The following KAT6A variants were observed in gnomAD, a reference collection of about 807,000 sequenced individuals.
The protein encoded by KAT6A is lysine acetyltransferase 6A.
Under a neutral mutation model 198.4 loss-of-function variants are expected in KAT6A, and 9 were observed. The observed-to-expected ratio is 0.05, with a 90% CI of 0.03 to 0.08. The LOEUF is 0.08. Among genes scored for constraint, KAT6A ranks in the 10% least tolerant of loss-of-function variants. The probability of loss-of-function intolerance (pLI) is 1.00; values close to 1 mark genes in which losing one functional copy is unlikely to be tolerated. For missense variants in KAT6A, 2,077 were observed against 2,509.9 expected (o/e 0.83, Z 3.69); for synonymous variants, 890 against 883.0 (o/e 1.01, Z -0.14).
In KAT6A at chr8:42,007,181, AC is replaced by A. The variant is rs199674134; in HGVS notation, c.601-19619del. The stretch of plus-strand genomic sequence containing the variant: ...AATAACTTTATTATTCTACAATGAC[AC>A]AGTTTATATAGACAATATAGAATCC... On this transcript the variant is annotated intron_variant, in intron 2 of 16. Transcript: ENST00000265713. Among the ~76,000 whole-genome samples, 411 of 78,136 alleles carry A rather than the reference AC, an allele frequency of 5.3e-3. 2 individuals carry two copies. The highest frequency in any genetic ancestry group is 7.9e-3 in the Non-Finnish European group (262 of 33,062). 51.3% of individuals were successfully genotyped at this position (78,136 alleles called of 152,430 possible).
At chr8:41,961,732 A>T (rs1823211998) in intron 8 of KAT6A, among the ~76,000 whole-genome samples, 1 of 147,680 alleles carries the variant, frequency 6.8e-6, no homozygotes, top group South Asian at 2.2e-4. Flanking sequence ...CAGCCTGGTG[A>T]CAGAGCGAGA....
chr8:41,990,902 G>A (rs891870712), intron 2 of KAT6A, among the ~76,000 whole-genome samples: 2 of 149,586 alleles, frequency 1.3e-5, no homozygotes, highest in Non-Finnish European at 3.0e-5. Context: ...GGCTGAGGCA[G>A]AAGAATCATT....
chr8:41,942,748 A>C, intron 14 of KAT6A, 45 bp downstream of exon 14: 4 of 1,592,754 alleles, frequency 2.5e-6, no homozygotes, highest in Non-Finnish European at 3.4e-6. Flanking sequence ...TGAAATCAAA[A>C]ATATATCTTC....
At chr8:41,935,273 T>G (rs1821790837) in intron 16 of KAT6A, among the ~76,000 whole-genome samples, 1 of 152,214 alleles carries the variant, frequency 6.6e-6, no homozygotes, top group South Asian at 2.1e-4. Flanking sequence ...AGTTACAAAT[T>G]AGCTTATTTC....
chr8:42,017,141 A>G (rs1351022928), intron 2 of KAT6A, among the ~76,000 whole-genome samples: 1 of 152,226 alleles, frequency 6.6e-6, no homozygotes, highest in Non-Finnish European at 1.5e-5. Flanking sequence ...TTATCTATGT[A>G]TCTCTATCAC....
rs549148506 is a variant in KAT6A, at chr8:42,003,270, G to A, written c.601-15707C>T. 1.3e-3 allele frequency among the ~76,000 whole-genome samples: 192 copies of A among 152,092 alleles called. 1 individual carries two copies. Among genetic ancestry groups the A allele is most frequent in the Non-Finnish European group, 2.0e-3 (136 of 67,990 alleles). ...GCTCTCAGAACTAGACTTCCCATGCGCCCTCAGAAAGCCCAACAGCAGCAG... is the reference window on the plus strand; with the variant it reads ...GCTCTCAGAACTAGACTTCCCATGCACCCTCAGAAAGCCCAACAGCAGCAG... On this transcript the variant is annotated intron_variant, in intron 2 of 16. Coordinates refer to ENST00000265713, the MANE Select transcript of KAT6A (RefSeq NM_006766.5).
chr8:42,037,928 C>T (rs1388940256), intron 2 of KAT6A, among the ~76,000 whole-genome samples: 2 of 152,104 alleles, frequency 1.3e-5, no homozygotes, highest in Admixed American at 6.6e-5. Context: ...GTGCTGTCTG[C>T]GGTCTTCCCC....
Position 42,009,894 on chromosome 8 carries a change from C to CAAAAA in KAT6A, c.601-22336_601-22332dup, listed in dbSNP as rs538642816. ...CTGGCGACAGGACAAAGCCCTGTCTCAAAAAAAAAAAAAAAAAAAACAAAA... is the reference window on the plus strand; with the variant it reads ...CTGGCGACAGGACAAAGCCCTGTCTCAAAAAAAAAAAAAAAAAAAAAAAAACAAAA... On this transcript the variant is annotated intron_variant, in intron 2 of 16. Transcript: ENST00000265713. Among the ~76,000 whole-genome samples, 57 of 48,990 alleles carry CAAAAA rather than the reference C, an allele frequency of 1.2e-3. 1 individual carries two copies. Among genetic ancestry groups the CAAAAA allele is most frequent in the South Asian group, 3.5e-3 (6 of 1,702 alleles). The allele number at this position is 48,990 out of a possible 152,430, so 32.1% of individuals were successfully genotyped here.
chr8:41,953,389 T>C (rs904479304), intron 9 of KAT6A, among the ~76,000 whole-genome samples: 2 of 152,222 alleles, frequency 1.3e-5, no homozygotes, highest in Admixed American at 6.5e-5. Flanking sequence ...CTCTTGTGAT[T>C]TGGGCAGCTT....
At position 41,930,302 on chromosome 8, in the gene KAT6A, G is replaced by A. The variant is rs1821464422; in HGVS notation, c.*1903C>T. ...AGCAATGACACAGCTGAAGATGTAG[G>A]GCGATGGCAGCACAGTGCACTTTCT... On this transcript the variant is annotated 3_prime_UTR_variant, in exon 17 of 17. Coordinates refer to ENST00000265713, the MANE Select transcript of KAT6A (RefSeq NM_006766.5). The A allele has an allele frequency of 5.2e-6, 1 of 191,280 alleles. No individual in the cohort carries two copies. The highest frequency in any genetic ancestry group is 2.4e-5 in the African/African-American group (1 of 41,630). The allele number at this position is 191,280 out of a possible 1,614,324, so 11.8% of individuals were successfully genotyped here.
intron 12 of KAT6A, 146 bp from the exon 13 acceptor site, chr8:41,944,125 CA>C (rs1261076227): frequency 3.3e-6 from 2 of 599,844 alleles, no homozygotes; most frequent in East Asian, 5.6e-5. Context: ...AAACAAATTG[CA>C]AAACTACTTC....
chr8:41,940,557 AC>A (rs1205171159), intron 15 of KAT6A, among the ~76,000 whole-genome samples: 1 of 152,144 alleles, frequency 6.6e-6, no homozygotes, highest in Non-Finnish European at 1.5e-5. Context: ...TGAACATCAA[AC>A]CAGTAAGCTA....
At chr8:41,983,460 TTTTTG>T (rs1325219843) in intron 3 of KAT6A, among the ~76,000 whole-genome samples, 9 of 152,092 alleles carry the variant, frequency 5.9e-5, no homozygotes, top group Admixed American at 5.2e-4. Flanking sequence ...AAACATACAG[TTTTTG>T]TTTTATTTTA....
At chr8:41,975,750 C>A (rs1352684697) in intron 7 of KAT6A, among the ~76,000 whole-genome samples, 1 of 152,138 alleles carries the variant, frequency 6.6e-6, no homozygotes, top group Non-Finnish European at 1.5e-5. Context: ...TTAAAGCAAA[C>A]GCTCACACCA....
chr8:41,949,447 T>G, intron 9 of KAT6A, 84 bp from the exon 10 acceptor site: 1 of 1,029,870 alleles, frequency 9.7e-7, no homozygotes, highest in Non-Finnish European at 1.3e-6. Context: ...TTTTTGCCTC[T>G]CATTACTACC....
At chr8:41,978,845 C>A in intron 5 of KAT6A, 68 bp from the exon 6 acceptor site, 1 of 1,454,072 alleles carries the variant, frequency 6.9e-7, no homozygotes, top group Non-Finnish European at 9.5e-7. Context: ...TTCAGATAGT[C>A]TTAAGTCAGG....
At chr8:42,022,269 T>A (rs1826578564) in intron 2 of KAT6A, among the ~76,000 whole-genome samples, 1 of 152,062 alleles carries the variant, frequency 6.6e-6, no homozygotes, top group South Asian at 2.1e-4. Flanking sequence ...TAAAATACTG[T>A]ACGTAAAAAG....
chr8:41,996,322 A>G (rs970707855), intron 2 of KAT6A, among the ~76,000 whole-genome samples: 10 of 152,212 alleles, frequency 6.6e-5, no homozygotes, highest in African/African-American at 2.4e-4. Flanking sequence ...AAATTTCTCA[A>G]GTTTTACAGC....
chr8:41,989,224 T>C (rs16890984), intron 2 of KAT6A, among the ~76,000 whole-genome samples: 15,953 of 152,162 alleles, frequency 0.1, 1,076 homozygotes, highest in East Asian at 0.25. Flanking sequence ...AAAATGCTTA[T>C]GTAGCCGGGC....
Sources: allele counts gnomAD v4.1 joint callset (sites outside exome capture counted in the v4.1 genomes callset), GRCh38; gene constraint gnomAD v4.1.1; transcripts MANE v1.5; gene names NCBI Gene and HGNC (gene_info 2026-07-23, HGNC 2026-07-21).